Variants in BLVRA observed in about 807,000 individuals in gnomAD.
BLVRA encodes the protein BVR A.
BLVRA carries 22 observed loss-of-function variants against 32.8 expected under a neutral mutation model. The ratio of observed to expected loss-of-function variants is 0.67; its 90% CI spans 0.48 to 0.96. The LOEUF (loss-of-function observed/expected upper bound fraction) is 0.96, where lower values mean the gene tolerates loss of function less well. BLVRA is among the 40% of genes least tolerant of loss of function. The probability of loss-of-function intolerance (pLI) is 0.00; values close to 1 mark genes in which losing one functional copy is unlikely to be tolerated. For missense variants in BLVRA, 323 were observed against 358.1 expected (o/e 0.90, Z 0.79); for synonymous variants, 119 against 141.3 (o/e 0.84, Z 1.12).
Position 43,803,783 on chromosome 7 carries a change from T to C in BLVRA, c.568T>C (p.Leu190=), listed in dbSNP as rs915952334. 1 of 1,614,020 alleles carries C rather than the reference T, an allele frequency of 6.2e-7. No homozygotes were observed. Among genetic ancestry groups the C allele is most frequent in the African/African-American group, 1.3e-5 (1 of 74,914 alleles). Residue 190 remains leucine (L), a synonymous_variant, in exon 7 of 8, where the codon TTG becomes CTG. Transcript: ENST00000265523. ...GGAGCTTTCTCTTGTGTCTGCCACTTTGGAAGAGCGAAAGGAAGATCAGTA... is the reference window on the plus strand; with the variant it reads ...GGAGCTTTCTCTTGTGTCTGCCACTCTGGAAGAGCGAAAGGAAGATCAGTA... ...FGELSLVSAT[L]EERKEDQYMK... is the part of the protein sequence containing the mutation.
chr7:43,774,424 G>A (rs1417560231), intron 2 of BLVRA, among the ~76,000 whole-genome samples: 9 of 152,108 alleles, frequency 5.9e-5, no homozygotes, highest in Non-Finnish European at 1.3e-4. Context: ...GTTTTTGTCG[G>A]GTTTGTCAAA....
At chr7:43,773,706 A>G (rs1461789257) in intron 2 of BLVRA, among the ~76,000 whole-genome samples, 1 of 152,254 alleles carries the variant, frequency 6.6e-6, no homozygotes, top group Admixed American at 6.5e-5. Flanking sequence ...TCCCTGAGGA[A>G]TCGCCACACT....
At chr7:43,767,233 T>A in intron 1 of BLVRA, 1 of 713,930 alleles carries the variant, frequency 1.4e-6, no homozygotes. Context: ...TAAGATCTCA[T>A]TAGAAAAGAA....
intron 2 of BLVRA, among the ~76,000 whole-genome samples, chr7:43,780,124 G>A (rs1309223559): frequency 6.6e-6 from 1 of 151,972 alleles, no homozygotes; most frequent in Non-Finnish European, 1.5e-5. Flanking sequence ...CTCCCACCTC[G>A]GCCTCCCAAA....
chr7:43,793,585 A>G (rs1339679114), intron 5 of BLVRA, among the ~76,000 whole-genome samples: 1 of 151,166 alleles, frequency 6.6e-6, no homozygotes, highest in Non-Finnish European at 1.5e-5. Flanking sequence ...GGGCAACATA[A>G]TGAGACCCTG....
chr7:43,792,697 T>C lies in BLVRA; in HGVS notation c.255-18T>C. 6.2e-7 allele frequency: 1 copy of C among 1,604,316 alleles called. No individual in the cohort carries two copies. Among genetic ancestry groups the C allele is most frequent in the Non-Finnish European group, 8.5e-7 (1 of 1,171,140 alleles). Reference sequence around the variant, plus strand: ...TATTCGAAGTGTTCTTTCTCTGTATTTGTCTCGTTTACCAAAGGCAGTTCC... The same window carrying C: ...TATTCGAAGTGTTCTTTCTCTGTATCTGTCTCGTTTACCAAAGGCAGTTCC... On this transcript the variant is annotated intron_variant, in intron 4 of 7. Coordinates refer to ENST00000265523, the MANE Select transcript of BLVRA (RefSeq NM_000712.4).
intron 2 of BLVRA, among the ~76,000 whole-genome samples, chr7:43,772,379 C>A (rs1414589675): frequency 6.6e-6 from 1 of 152,216 alleles, no homozygotes; most frequent in African/African-American, 2.4e-5. Context: ...CAAATGTCTC[C>A]TTCGGTCTTA....
chr7:43,772,743 A>G (rs1478267832), intron 2 of BLVRA, among the ~76,000 whole-genome samples: 1 of 152,218 alleles, frequency 6.6e-6, no homozygotes, highest in Non-Finnish European at 1.5e-5. Flanking sequence ...GCGAAGGGGG[A>G]AGACCCCCTT....
intron 2 of BLVRA, among the ~76,000 whole-genome samples, chr7:43,782,351 G>A (rs186418922): frequency 4.4e-4 from 67 of 152,316 alleles, no homozygotes; most frequent in African/African-American, 1.5e-3. Context: ...GGCCACAGTC[G>A]GGCTTTGATC....
intron 2 of BLVRA, among the ~76,000 whole-genome samples, chr7:43,782,435 T>G: frequency 6.6e-6 from 1 of 152,216 alleles, no homozygotes; most frequent in African/African-American, 2.4e-5. Context: ...CTAGAGCTAC[T>G]GGCTTTTGCC....
At chr7:43,771,110 A>G (rs1399125635) in intron 1 of BLVRA, 28 bp from the exon 2 acceptor site, 1 of 1,612,076 alleles carries the variant, frequency 6.2e-7, no homozygotes, top group Non-Finnish European at 8.5e-7. Flanking sequence ...GCCACCAGGG[A>G]CCTGAACCTC....
At position 43,794,202 on chromosome 7, in the gene BLVRA, T is replaced by C. The variant is rs184098607; in HGVS notation, c.352+1390T>C. ...CCATGATCGGGCCACTGCACTCTAG[T>C]CTGGGCAACAGAGTGAGACCCTGTC... On this transcript the variant is annotated intron_variant, in intron 5 of 7. Transcript: ENST00000265523. 2.0e-3 allele frequency among the ~76,000 whole-genome samples: 296 copies of C among 151,756 alleles called. 1 individual carries two copies. The highest frequency in any genetic ancestry group is 3.7e-3 in the Non-Finnish European group (250 of 67,898).
chr7:43,774,873 T>C (rs1487350240), intron 2 of BLVRA, among the ~76,000 whole-genome samples: 1 of 152,244 alleles, frequency 6.6e-6, no homozygotes. Flanking sequence ...TAAGTTGGAT[T>C]CCTACCCATT....
intron 7 of BLVRA, among the ~76,000 whole-genome samples, chr7:43,805,440 G>A (rs1211123505): frequency 6.6e-6 from 1 of 151,922 alleles, no homozygotes; most frequent in African/African-American, 2.4e-5. Context: ...CTGCCACCAC[G>A]CCCGGCTCAT....
intron 5 of BLVRA, among the ~76,000 whole-genome samples, chr7:43,796,133 A>G (rs1471841120): frequency 5.3e-5 from 8 of 151,390 alleles, no homozygotes; most frequent in African/African-American, 9.7e-5. Context: ...AAAAAAAAAA[A>G]AAAAGAAAAG....
chr7:43,774,168 CT>C (rs2095757824), intron 2 of BLVRA, among the ~76,000 whole-genome samples: 1 of 152,166 alleles, frequency 6.6e-6, no homozygotes. Flanking sequence ...TCCATTTTGG[CT>C]TTTGTTGCCA....
At chr7:43,806,037 G>A (rs777461255) in intron 7 of BLVRA, among the ~76,000 whole-genome samples, 2 of 152,236 alleles carry the variant, frequency 1.3e-5, no homozygotes, top group Non-Finnish European at 2.9e-5. Context: ...GAGAGGCCGG[G>A]CACAATGGCT....
At chr7:43,794,463 G>A (rs540129102) in intron 5 of BLVRA, among the ~76,000 whole-genome samples, 32 of 152,228 alleles carry the variant, frequency 2.1e-4, no homozygotes, top group Admixed American at 7.8e-4. Flanking sequence ...GGCCAGGCAC[G>A]GTGGCTCAAG....
Position 43,791,309 on chromosome 7 carries a change from C to T in BLVRA, c.195C>T (p.Ser65=), listed in dbSNP as rs963385053. Reference sequence around the variant, plus strand: ...TTTCTTTGGAGGATGCTCTTTCCAGCCAAGAGGTGGAGGTCGCCTATATCT... The same window carrying T: ...TTTCTTTGGAGGATGCTCTTTCCAGTCAAGAGGTGGAGGTCGCCTATATCT... ...QQISLEDALS[S]QEVEVAYICS... is the part of the protein sequence containing the mutation. The change falls in exon 4 of 8, where the codon AGC becomes AGT. Residue 65 remains serine, a synonymous_variant. Transcript: ENST00000265523. 5 of 1,613,948 alleles carry T rather than the reference C, an allele frequency of 3.1e-6. No homozygotes were observed. The African/African-American group carries it at 4.0e-5, about 13-fold the overall frequency.
Sources: gnomAD v4.1 joint callset for allele counts (sites outside exome capture counted in the v4.1 genomes callset) on GRCh38, gnomAD v4.1.1 for gene constraint, MANE v1.5 for transcripts, NCBI Gene and HGNC (gene_info 2026-07-23, HGNC 2026-07-21) for gene names.